JARID2: variants seen among roughly 807,000 people sequenced by gnomAD.
The protein encoded by JARID2 is protein Jumonji.
In JARID2, 21 loss-of-function variants were observed where a neutral mutation model predicts 125.6. The ratio of observed to expected loss-of-function variants is 0.17; its 90% CI spans 0.12 to 0.24. The LOEUF (loss-of-function observed/expected upper bound fraction) is 0.24. Ranked by LOEUF, JARID2 falls within the 10% of genes least tolerant of loss-of-function variation. JARID2 has a pLI of 1.00. For synonymous variants in JARID2, 736 were observed against 661.6 expected (o/e 1.11, Z -1.73); for missense variants, 1,303 against 1,639.6 (o/e 0.79, Z 3.55).
chr6:15,312,982 A>G (rs1383184663), intron 1 of JARID2, among the ~76,000 whole-genome samples: 1 of 152,192 alleles, frequency 6.6e-6, no homozygotes, highest in Non-Finnish European at 1.5e-5. Context: ...GGCGTTCAGC[A>G]TCTTTCCCGC....
In JARID2 at chr6:15,501,334, T is replaced by C; in HGVS notation, c.2373T>C (p.Ala791=). Residue 791 remains alanine, a synonymous_variant, in exon 8 of 18, where the codon GCT becomes GCC. Transcript: ENST00000341776. ...QLKTGRRRLF[A]QEKEVVKEEE... is the part of the protein sequence containing the mutation. ...AGACTGGCCGGCGGCGACTCTTCGC[T>C]CAGGAAAAAGAAGTGGTCAAGGAAG... 1 of 1,604,456 alleles carries C rather than the reference T, an allele frequency of 6.2e-7. No homozygotes were observed.
At chr6:15,451,524 T>C (rs1468319572) in intron 3 of JARID2, among the ~76,000 whole-genome samples, 1 of 152,188 alleles carries the variant, frequency 6.6e-6, no homozygotes, top group Non-Finnish European at 1.5e-5. Flanking sequence ...GATGGCTAAA[T>C]AGGCAAAGGT....
chr6:15,302,821 G>A (rs1176878154), intron 1 of JARID2, among the ~76,000 whole-genome samples: 1 of 151,994 alleles, frequency 6.6e-6, no homozygotes, highest in Non-Finnish European at 1.5e-5. Flanking sequence ...TGCAACCTCC[G>A]CCTCCTGGGT....
At position 15,366,519 on chromosome 6, in the gene JARID2, G is replaced by A. The variant is rs1269727768; in HGVS notation, c.46-7598G>A. On this transcript the variant is annotated intron_variant, in intron 1 of 17. Transcript: ENST00000341776. ...TATGTGGGTGGGGGGCGGGGGGGGC[G>A]GGGGGGGTGGGGGGTGGGGTTGGCA... is the stretch of plus-strand genomic sequence containing the variant. Among the ~76,000 whole-genome samples the A allele has an allele frequency of 4.7e-5, 5 of 106,618 alleles. No individual in the cohort carries two copies. The South Asian group carries it at 8.6e-4, about 18-fold the overall frequency. The allele number at this position is 106,618 out of a possible 152,430, so 69.9% of individuals were successfully genotyped here. A position where few individuals can be genotyped will look rare whatever the true frequency, so the allele number is the denominator to read the frequency against.
chr6:15,403,475 A>G (rs1364330353), intron 2 of JARID2, among the ~76,000 whole-genome samples: 28 of 152,142 alleles, frequency 1.8e-4, no homozygotes, highest in Admixed American at 1.8e-3. Context: ...CTCTGAGGAA[A>G]TAGGAGATAT....
intron 1 of JARID2, among the ~76,000 whole-genome samples, chr6:15,285,564 C>CAT (rs34425330): frequency 0.033 from 5,029 of 150,754 alleles, 100 homozygotes; most frequent in South Asian, 0.045. Context: ...GAAAAAAATA[C>CAT]ATATATATAT....
At chr6:15,492,840 G>C (rs949356233) in intron 6 of JARID2, among the ~76,000 whole-genome samples, 1 of 152,144 alleles carries the variant, frequency 6.6e-6, no homozygotes, top group Non-Finnish European at 1.5e-5. Flanking sequence ...GATCCATCTA[G>C]TCTTTGAGCT....
At position 15,497,182 on chromosome 6, in the gene JARID2, C is replaced by CGG; in HGVS notation, c.1945+17_1945+18dup. 5.9e-6 allele frequency: 9 copies of CGG among 1,528,088 alleles called. No individual in the cohort carries two copies. Among genetic ancestry groups the CGG allele is most frequent in the Non-Finnish European group, 7.1e-6 (8 of 1,132,944 alleles). 94.7% of individuals were successfully genotyped at this position (1,528,088 alleles called of 1,614,324 possible). The stretch of plus-strand genomic sequence containing the variant: ...GCTCCCGCTCATAGGTAGGTCTGGG[C>CGG]GGGGGGTCAGGGGGTGGTGCCTGCC... On this transcript the variant is annotated intron_variant, in intron 7 of 17. Transcript: ENST00000341776.
chr6:15,266,194 C>G (rs1205550590), intron 1 of JARID2, among the ~76,000 whole-genome samples: 1 of 152,152 alleles, frequency 6.6e-6, no homozygotes, highest in Admixed American at 6.5e-5. Context: ...CGATGAATCT[C>G]CTGTGGTGTT....
At chr6:15,467,673 C>T (rs538907057) in intron 4 of JARID2, among the ~76,000 whole-genome samples, 20 of 152,216 alleles carry the variant, frequency 1.3e-4, no homozygotes, top group African/African-American at 4.6e-4. Context: ...AAGACTCCAT[C>T]TCCCCACAAA....
chr6:15,288,948 G>A (rs1440155311), intron 1 of JARID2, among the ~76,000 whole-genome samples: 1 of 152,200 alleles, frequency 6.6e-6, no homozygotes, highest in Admixed American at 6.5e-5. Context: ...TCTCTCGTTA[G>A]TGAGCAGTGG....
At chr6:15,435,432 CT>C (rs1312241367) in intron 3 of JARID2, among the ~76,000 whole-genome samples, 2 of 152,176 alleles carry the variant, frequency 1.3e-5, no homozygotes, top group African/African-American at 4.8e-5. Context: ...AGAAAGTTGT[CT>C]CCTGTTAGAG....
At chr6:15,336,651 CT>C (rs10716567) in intron 1 of JARID2, among the ~76,000 whole-genome samples, 29,785 of 132,926 alleles carry the variant, frequency 0.22, 3,464 homozygotes, top group East Asian at 0.45. Flanking sequence ...ATTCAGGATT[CT>C]TTTTTTTTTT....
At chr6:15,247,924 CT>C (rs1759246183) in intron 1 of JARID2, 1 of 985,336 alleles carries the variant, frequency 1.0e-6, no homozygotes, top group Admixed American at 6.1e-5. Context: ...CTGAGGCAAC[CT>C]TGTCTTGGAG....
intron 1 of JARID2, among the ~76,000 whole-genome samples, chr6:15,352,859 C>CA (rs1206641367): frequency 6.6e-6 from 1 of 152,196 alleles, no homozygotes; most frequent in African/African-American, 2.4e-5. Flanking sequence ...ATTACAGCTG[C>CA]AAAGGGCTAT....
intron 1 of JARID2, among the ~76,000 whole-genome samples, chr6:15,360,494 T>C (rs1268117265): frequency 1.3e-5 from 2 of 152,098 alleles, no homozygotes; most frequent in Non-Finnish European, 2.9e-5. Flanking sequence ...ATTTATCTTA[T>C]TTTTATGAGA....
intron 1 of JARID2, among the ~76,000 whole-genome samples, chr6:15,359,801 C>T (rs1476790285): frequency 2.0e-5 from 3 of 151,604 alleles, no homozygotes. Context: ...ATTCTCCTGT[C>T]TCGGCGTCCT....
At chr6:15,279,176 C>T (rs1327743989) in intron 1 of JARID2, among the ~76,000 whole-genome samples, 2 of 144,076 alleles carry the variant, frequency 1.4e-5, no homozygotes, top group Admixed American at 1.3e-4. Context: ...AATAAATTGC[C>T]TTTTGTTTTC....
chr6:15,362,441 G>A (rs537976546), intron 1 of JARID2, among the ~76,000 whole-genome samples: 14 of 152,142 alleles, frequency 9.2e-5, no homozygotes, highest in Non-Finnish European at 1.8e-4. Context: ...TCTATTTACC[G>A]TAGCATTACT....
Sources: allele counts gnomAD v4.1 joint callset (sites outside exome capture counted in the v4.1 genomes callset), GRCh38; gene constraint gnomAD v4.1.1; transcripts MANE v1.5; gene names NCBI Gene and HGNC (gene_info 2026-07-23, HGNC 2026-07-21).